KRT75: variants seen among roughly 807,000 people sequenced by gnomAD.
KRT75 encodes the protein keratin, type II cytoskeletal 75.
A neutral mutation model predicts 48.8 loss-of-function variants in KRT75; 35 were observed. That is an observed-to-expected ratio of 0.72 (90% confidence interval 0.55 to 0.95). The LOEUF is 0.95. KRT75 is among the 40% of genes least tolerant of loss of function. KRT75 has a pLI of 0.00. For synonymous variants in KRT75, 301 were observed against 282.3 expected (o/e 1.07, Z -0.66); for missense variants, 776 against 709.9 (o/e 1.09, Z -1.06).
At chr12:52,426,923 T>A in intron 7 of KRT75, 72 bp from the exon 8 acceptor site, 7 of 1,263,796 alleles carry the variant, frequency 5.5e-6, no homozygotes, top group Non-Finnish European at 8.1e-6. Flanking sequence ...GCAATGACAC[T>A]TTTGTAATTG....
chr12:52,429,692 C>T (rs1437334644), intron 5 of KRT75, among the ~76,000 whole-genome samples: 3 of 152,190 alleles, frequency 2.0e-5, no homozygotes, highest in Non-Finnish European at 4.4e-5. Flanking sequence ...CAAGGCGCTG[C>T]CTCTGCCCTG....
chr12:52,428,218 A>G (rs1451633354), intron 7 of KRT75, 38 bp downstream of exon 7: 2 of 1,612,184 alleles, frequency 1.2e-6, no homozygotes, highest in South Asian at 2.2e-5. Context: ...AGGTGAGCTC[A>G]ACTTGCTTTG....
chr12:52,432,408 T>G (rs1441240882), intron 2 of KRT75, among the ~76,000 whole-genome samples: 1 of 152,230 alleles, frequency 6.6e-6, no homozygotes, highest in Non-Finnish European at 1.5e-5. Flanking sequence ...GTAAACTTTA[T>G]CTGTTCAGCA....
intron 2 of KRT75, among the ~76,000 whole-genome samples, chr12:52,432,830 A>G (rs1417357064): frequency 6.6e-6 from 1 of 152,192 alleles, no homozygotes; most frequent in African/African-American, 2.4e-5. Context: ...CAGTCATGTG[A>G]ACAAATAGGA....
In KRT75 at chr12:52,433,882, G is replaced by A. The variant is rs200334341; in HGVS notation, c.423C>T (p.Thr141=). The change falls in exon 1 of 9, where the codon ACC becomes ACT. Residue 141 remains threonine, a synonymous_variant. Coordinates refer to ENST00000252245, the MANE Select transcript of KRT75 (RefSeq NM_004693.3). ...LTPLHLQIDP[T]IQRVRAEERE... is the part of the protein sequence containing the mutation. ...GCTCCTCGGCCCGCACCCGCTGGAT[G>A]GTGGGGTCGATTTGCAGGTGAAGAG... 204 of 1,614,070 alleles carry A rather than the reference G, an allele frequency of 1.3e-4. No individual in the cohort carries two copies. The highest frequency in any genetic ancestry group is 1.7e-4 in the Non-Finnish European group (203 of 1,180,040).
chr12:52,424,613 TCCAGAACCTC>T lies in KRT75; in HGVS notation c.1550_1559del (p.Gly517AspfsTer10). On this transcript the variant is annotated frameshift_variant, in exon 9 of 9. Coordinates refer to ENST00000252245, the MANE Select transcript of KRT75 (RefSeq NM_004693.3). LOFTEE classifies it high-confidence loss of function. ...AGCCCCGGTTGCTGGTGGCACTGAA[TCCAGAACCTC>T]CCAGGCCTGCACCCAGGCTATGCCC... 2 of 1,614,080 alleles carry T rather than the reference TCCAGAACCTC, an allele frequency of 1.2e-6. No individual in the cohort carries two copies. Among genetic ancestry groups the T allele is most frequent in the Non-Finnish European group, 1.7e-6 (2 of 1,179,996 alleles).
Position 52,424,760 on chromosome 12 carries a change from C to T in KRT75, c.1418-5G>A, listed in dbSNP as rs764459944. ...AAAGAGTAGAGGTGACCACAGCTGC[C>T]GGGAAGAGAGGAGGTGTGGTCAGAT... On this transcript the variant is annotated splice_polypyrimidine_tract_variant and splice_region_variant and intron_variant, in intron 8 of 8. Transcript: ENST00000252245. 33 of 1,604,444 alleles carry T rather than the reference C, an allele frequency of 2.1e-5. No homozygotes were observed. In the Admixed American group the frequency reaches 4.3e-4, roughly 21 times the overall value.
Position 52,428,422 on chromosome 12 carries a change from G to A in KRT75, c.1216C>T (p.Leu406Phe). ...ACCAGCTTGGCCCGTGCATCCTTGA[G>A]AGCCAGTTCTCCCCGCTGCTCTGCA... ...ADAEQRGELA[L>F]KDARAKLVDL... is the part of the protein sequence containing the mutation. Residue 406 changes from leucine (L) to phenylalanine (F), a missense_variant, in exon 7 of 9, where the codon CTC (leucine) becomes TTC (phenylalanine). Leu to Phe is a conservative substitution (Grantham distance 22). Coordinates refer to ENST00000252245, the MANE Select transcript of KRT75 (RefSeq NM_004693.3). The A allele has an allele frequency of 6.2e-7, 1 of 1,614,144 alleles. No individual in the cohort carries two copies. Among genetic ancestry groups the A allele is most frequent in the Non-Finnish European group, 8.5e-7 (1 of 1,180,020 alleles).
Position 52,433,115 on chromosome 12 carries a change from T to G in KRT75, c.636A>C (p.Glu212Asp), listed in dbSNP as rs564418221. ...GCCTGCCCCTCTCGGTGGTGATGCT[T>G]TCCAGCTGCCGTCGGAGCTCACTGG... ...SYTSELRRQL[E>D]SITTERGRLE... The change falls in exon 2 of 9, where the codon GAA becomes GAC. Residue 212 changes from glutamate (E) to aspartate (D), a missense_variant. Physicochemically the swap from Glu to Asp is conservative, Grantham distance 45. Coordinates refer to ENST00000252245, the MANE Select transcript of KRT75 (RefSeq NM_004693.3). The G allele has an allele frequency of 3.1e-6, 5 of 1,609,504 alleles. No homozygotes were observed. Among genetic ancestry groups the G allele is most frequent in the Non-Finnish European group, 4.2e-6 (5 of 1,178,148 alleles).
intron 7 of KRT75, 186 bp downstream of exon 7, chr12:52,428,070 G>T (rs1315739959): frequency 4.1e-6 from 3 of 740,666 alleles, no homozygotes; most frequent in Non-Finnish European, 6.7e-6. Context: ...GCTAACTGTA[G>T]TTGCACCTCA....
rs1940191638 is a variant in KRT75 at position 52,434,357 on chromosome 12, G to A, written c.-53C>T. The A allele has an allele frequency of 6.5e-7, 1 of 1,540,700 alleles. No homozygotes were observed. The highest frequency in any genetic ancestry group is 1.2e-5 in the South Asian group (1 of 80,546). ...CACCTGAGGTGGGCTGGTACAGGCA[G>A]TGGAGAAGACAGGTGGCTGGAGAGC... is the stretch of plus-strand genomic sequence containing the variant. On this transcript the variant is annotated 5_prime_UTR_variant, in exon 1 of 9. Coordinates refer to ENST00000252245, the MANE Select transcript of KRT75 (RefSeq NM_004693.3).
At chr12:52,429,178 G>A (rs1172338290) in intron 5 of KRT75, among the ~76,000 whole-genome samples, 1 of 152,148 alleles carries the variant, frequency 6.6e-6, no homozygotes, top group African/African-American at 2.4e-5. Flanking sequence ...AACATGGTGA[G>A]TTCTAGGAGT....
intron 7 of KRT75, among the ~76,000 whole-genome samples, chr12:52,427,472 T>G (rs1020084671): frequency 2.6e-5 from 4 of 152,230 alleles, no homozygotes; most frequent in Admixed American, 2.6e-4. Context: ...AGGTATTATT[T>G]GCTCACTTTT....
intron 2 of KRT75, 28 bp from the exon 3 acceptor site, chr12:52,432,094 G>A: frequency 1.2e-6 from 2 of 1,612,428 alleles, no homozygotes; most frequent in Non-Finnish European, 1.7e-6. Flanking sequence ...GGGGTGTGCT[G>A]TTGAGCAAGT....
rs778148917 is a variant in KRT75 at position 52,434,019 on chromosome 12, T to A, written c.286A>T (p.Ser96Cys). 1 of 1,614,026 alleles carries A rather than the reference T, an allele frequency of 6.2e-7. No individual in the cohort carries two copies. The highest frequency in any genetic ancestry group is 1.1e-5 in the South Asian group (1 of 91,066). ...GRASNRFGVN[S>C]GFGYGGGVGG... ...ACTCCACCCCCATAGCCAAATCCAC[T>A]GTTGACTCCAAACCTGTTGCTGGCC... The change falls in exon 1 of 9, where the codon AGT (serine) becomes TGT (cysteine). Residue 96 changes from serine to cysteine, a missense_variant. Coordinates refer to ENST00000252245, the MANE Select transcript of KRT75 (RefSeq NM_004693.3).
Sources: allele counts gnomAD v4.1 joint callset (sites outside exome capture counted in the v4.1 genomes callset), GRCh38; gene constraint gnomAD v4.1.1; transcripts MANE v1.5; gene names NCBI Gene and HGNC (gene_info 2026-07-23, HGNC 2026-07-21).